The following SLC8A2 variants were observed in gnomAD, a reference collection of about 807,000 sequenced individuals.
SLC8A2 encodes solute carrier family 8 member A2.
In SLC8A2, 14 loss-of-function variants were observed where a neutral mutation model predicts 70.2. That is an observed-to-expected ratio of 0.20 (90% CI 0.13 to 0.31). SLC8A2 has a LOEUF of 0.31. Among genes scored for constraint, SLC8A2 ranks in the 10% least tolerant of loss-of-function variants. SLC8A2 has a pLI of 1.00. For missense variants in SLC8A2, 779 were observed against 1,320.1 expected (o/e 0.59, Z 6.35); for synonymous variants, 575 against 594.3 (o/e 0.97, Z 0.47).
chr19:47,455,835 A>G (rs991340723), intron 3 of SLC8A2, among the ~76,000 whole-genome samples: 3 of 152,198 alleles, frequency 2.0e-5, no homozygotes, highest in African/African-American at 7.2e-5. Flanking sequence ...ATGAGAGAAT[A>G]TCACAGATTT....
Position 47,429,096 on chromosome 19 carries a change from G to A in SLC8A2, c.*993C>T, listed in dbSNP as rs909411595. The stretch of plus-strand genomic sequence containing the variant: ...TGGGACCCTCGGTCTCCTCTTCGAG[G>A]GTCCTGCCCGGATTGGCTGGCACTG... On this transcript the variant is annotated 3_prime_UTR_variant, in exon 10 of 10. Coordinates refer to ENST00000236877, the MANE Select transcript of SLC8A2 (RefSeq NM_015063.3). The A allele has an allele frequency of 1.3e-5, 2 of 151,818 alleles. No individual in the cohort carries two copies. The highest frequency in any genetic ancestry group is 3.9e-4 in the East Asian group (2 of 5,138). The allele number at this position is 151,818 out of a possible 1,614,324, so 9.4% of individuals were successfully genotyped here. A position where few individuals can be genotyped will look rare whatever the true frequency, so the allele number is the denominator to read the frequency against.
chr19:47,455,215 G>A (rs1241264190), intron 3 of SLC8A2, among the ~76,000 whole-genome samples: 1 of 152,100 alleles, frequency 6.6e-6, no homozygotes, highest in Non-Finnish European at 1.5e-5. Flanking sequence ...AAAGGGATGA[G>A]GGATTGGCTG....
intron 2 of SLC8A2, among the ~76,000 whole-genome samples, chr19:47,457,844 T>TC (rs1227987163): frequency 2.0e-5 from 3 of 151,502 alleles, no homozygotes; most frequent in African/African-American, 7.3e-5. Flanking sequence ...TTTCTTTCTT[T>TC]TTTTTTTTAT....
chr19:47,434,164 G>A (rs1966997654), intron 8 of SLC8A2, among the ~76,000 whole-genome samples: 1 of 152,222 alleles, frequency 6.6e-6, no homozygotes, highest in Non-Finnish European at 1.5e-5. Context: ...GTCAGAGCAG[G>A]GAGGCCACGC....
chr19:47,460,939 C>T (rs1443161962), intron 2 of SLC8A2, among the ~76,000 whole-genome samples: 2 of 151,970 alleles, frequency 1.3e-5, no homozygotes, highest in East Asian at 1.9e-4. Context: ...ATGGGCCAGG[C>T]GTGGTGGCTC....
Position 47,447,746 on chromosome 19 carries a change from C to A in SLC8A2, c.1763+63G>T. 1.4e-6 allele frequency: 2 copies of A among 1,465,748 alleles called. No homozygotes were observed. The highest frequency in any genetic ancestry group is 1.8e-6 in the Non-Finnish European group (2 of 1,111,262). 90.8% of individuals were successfully genotyped at this position (1,465,748 alleles called of 1,614,324 possible). On this transcript the variant is annotated intron_variant, in intron 4 of 9. Transcript: ENST00000236877. The surrounding 1 kb of genome is among the most constrained non-coding windows in gnomAD (Gnocchi z 5.1). ...GGCTCACCCAGGCCCCGCCCCTGAG[C>A]CACATCAGGCCTCGCCCATTCCGAA...
At chr19:47,460,034 T>A (rs1221577523) in intron 2 of SLC8A2, among the ~76,000 whole-genome samples, 1 of 152,008 alleles carries the variant, frequency 6.6e-6, no homozygotes, top group African/African-American at 2.4e-5. Context: ...GCTCCATTTC[T>A]CCCCCATCAC....
intron 3 of SLC8A2, among the ~76,000 whole-genome samples, chr19:47,456,657 T>A (rs1470763103): frequency 6.6e-6 from 1 of 152,198 alleles, no homozygotes; most frequent in Non-Finnish European, 1.5e-5. Context: ...ATAGTGAGAC[T>A]CTATCTCAAA....
Position 47,457,114 on chromosome 19 carries a change from C to T in SLC8A2, c.1156G>A (p.Gly386Ser), listed in dbSNP as rs758368435. 1.9e-6 allele frequency: 3 copies of T among 1,551,446 alleles called. No homozygotes were observed. The highest frequency in any genetic ancestry group is 2.4e-5 in the South Asian group (2 of 84,310). ...CTGGCGCCGTCGTCTTCGTCCTCGC[C>T]CGCGCCCTCGGCCGGCGCCGCCCTG... ...SRRAAPAEGAGEDEDDGASRI... is the reference protein window; with the variant it reads ...SRRAAPAEGASEDEDDGASRI... The change falls in exon 3 of 10, where the codon GGC becomes AGC. Residue 386 changes from glycine to serine, a missense_variant. Coordinates refer to ENST00000236877, the MANE Select transcript of SLC8A2 (RefSeq NM_015063.3).
Position 47,429,037 on chromosome 19 carries a change from T to A in SLC8A2, c.*1052A>T, listed in dbSNP as rs1265492692. The A allele has an allele frequency of 7.7e-6, 1 of 130,470 alleles. No homozygotes were observed. Among genetic ancestry groups the A allele is most frequent in the African/African-American group, 2.9e-5 (1 of 34,854 alleles). The allele number at this position is 130,470 out of a possible 1,614,324, so 8.1% of individuals were successfully genotyped here. A position where few individuals can be genotyped will look rare whatever the true frequency, so the allele number is the denominator to read the frequency against. On this transcript the variant is annotated 3_prime_UTR_variant, in exon 10 of 10. Coordinates refer to ENST00000236877, the MANE Select transcript of SLC8A2 (RefSeq NM_015063.3). ...CCCCACCCCCCATCAGGCAGAGATG[T>A]GGCAGCATTTGCTGGCTTGTAGCAT...
In SLC8A2 at chr19:47,437,279, C is replaced by T. The variant is rs143378468; in HGVS notation, c.2110+183G>A. The stretch of plus-strand genomic sequence containing the variant: ...GAGGCACGATCATGGCTCATTGCAG[C>T]CTCAAACTCCTGGCCTCAAGCAATC... On this transcript the variant is annotated intron_variant, in intron 8 of 9. Transcript: ENST00000236877. Among the ~76,000 whole-genome samples, 294 of 152,032 alleles carry T rather than the reference C, an allele frequency of 1.9e-3. 3 individuals are homozygous for T. The highest frequency in any genetic ancestry group is 6.8e-3 in the African/African-American group (282 of 41,438).
intron 3 of SLC8A2, among the ~76,000 whole-genome samples, chr19:47,455,538 A>T (rs1967294027): frequency 6.6e-6 from 1 of 152,232 alleles, no homozygotes; most frequent in Non-Finnish European, 1.5e-5. Flanking sequence ...TGTTTCTTGC[A>T]CATAGTAGAC....
In SLC8A2 at chr19:47,471,476, A is replaced by G. The variant is rs978919825; in HGVS notation, c.-17+313T>C. 2.0e-5 allele frequency among the ~76,000 whole-genome samples: 3 copies of G among 148,950 alleles called. No individual in the cohort carries two copies. In the South Asian group the frequency reaches 6.6e-4, roughly 33 times the overall value. Reference sequence around the variant, plus strand: ...CAGAAAGATGAGACCCAGACACAGGAAGGCGGGGGCAGAGGTAGAGAGCGC... The same window carrying G: ...CAGAAAGATGAGACCCAGACACAGGGAGGCGGGGGCAGAGGTAGAGAGCGC... On this transcript the variant is annotated intron_variant, in intron 1 of 9. Coordinates refer to ENST00000236877, the MANE Select transcript of SLC8A2 (RefSeq NM_015063.3).
chr19:47,457,415 C>A lies in SLC8A2; in HGVS notation c.855G>T (p.Thr285=), dbSNP rs1223910126. 1.3e-6 allele frequency: 2 copies of A among 1,586,070 alleles called. No homozygotes were observed. Among genetic ancestry groups the A allele is most frequent in the East Asian group, 2.3e-5 (1 of 43,138 alleles). Residue 285 remains threonine (T), a synonymous_variant, in exon 3 of 10, where the codon ACG becomes ACT. Coordinates refer to ENST00000236877, the MANE Select transcript of SLC8A2 (RefSeq NM_015063.3). ...DPPKSIELDG[T]FVGAEAPGEL... ...CACCTGGGGCCTCGGCGCCCACGAA[C>A]GTGCCGTCCAGCTCGATGCTCTTCG...
rs529440781 is a variant in SLC8A2 at position 47,471,082 on chromosome 19, G to A, written c.-17+707C>T. Among the ~76,000 whole-genome samples, 16 of 151,648 alleles carry A rather than the reference G, an allele frequency of 1.1e-4. No homozygotes were observed. The East Asian group carries it at 2.5e-3, about 24-fold the overall frequency. On this transcript the variant is annotated intron_variant, in intron 1 of 9. Coordinates refer to ENST00000236877, the MANE Select transcript of SLC8A2 (RefSeq NM_015063.3). ...AAGAGGAAAGAGAGAGAGAAACAGA[G>A]ACTGAGATATCCAGAGACAGAGATG...
At position 47,466,523 on chromosome 19, in the gene SLC8A2, A is replaced by G; in HGVS notation, c.-16-104T>C. On this transcript the variant is annotated intron_variant, in intron 1 of 9. Coordinates refer to ENST00000236877, the MANE Select transcript of SLC8A2 (RefSeq NM_015063.3). The surrounding 1 kb of genome is among the most constrained non-coding windows in gnomAD (Gnocchi z 6.9). The stretch of plus-strand genomic sequence containing the variant: ...AGGAGGGTTGGGGGAGAAGCTGAGG[A>G]CCAATGCAGGCAGGATGGGGACTGA... The G allele has an allele frequency of 3.5e-6, 2 of 578,672 alleles. 1 individual carries two copies. Among genetic ancestry groups the G allele is most frequent in the East Asian group, 5.7e-5 (2 of 35,140 alleles). 35.8% of individuals were successfully genotyped at this position (578,672 alleles called of 1,614,324 possible).
Position 47,468,399 on chromosome 19 carries a change from C to T in SLC8A2, c.-16-1980G>A, listed in dbSNP as rs545784510. Among the ~76,000 whole-genome samples, 9 of 152,300 alleles carry T rather than the reference C, an allele frequency of 5.9e-5. No homozygotes were observed. In the South Asian group the frequency reaches 1.0e-3, roughly 18 times the overall value. On this transcript the variant is annotated intron_variant, in intron 1 of 9. Coordinates refer to ENST00000236877, the MANE Select transcript of SLC8A2 (RefSeq NM_015063.3). The surrounding 1 kb of genome is among the most constrained non-coding windows in gnomAD (Gnocchi z 5.1). ...GCAGCCTCGACCTCCAGGGCTCAAGCGACCCTCCCTCCTCAGCCTCCCAAG... is the reference window on the plus strand; with the variant it reads ...GCAGCCTCGACCTCCAGGGCTCAAGTGACCCTCCCTCCTCAGCCTCCCAAG...
chr19:47,431,147 G>A (rs545116235), intron 9 of SLC8A2, among the ~76,000 whole-genome samples: 1 of 151,930 alleles, frequency 6.6e-6, no homozygotes, highest in South Asian at 2.1e-4. Flanking sequence ...TCCCACCTCA[G>A]CCTCCCGAGC....
intron 2 of SLC8A2, among the ~76,000 whole-genome samples, 181 bp from the exon 3 acceptor site, chr19:47,457,775 CTTTT>C (rs774223167): frequency 7.3e-4 from 104 of 142,052 alleles, no homozygotes; most frequent in African/African-American, 2.5e-3. Context: ...TCCTTTCTTT[CTTTT>C]TCTTTTCTTT....
Sources: allele counts gnomAD v4.1 joint callset (sites outside exome capture counted in the v4.1 genomes callset), GRCh38; gene constraint gnomAD v4.1.1; non-coding constraint Gnocchi (gnomAD v3.1); transcripts MANE v1.5; gene names NCBI Gene and HGNC (gene_info 2026-07-23, HGNC 2026-07-21).